SLCO4C1: variants seen among roughly 807,000 people sequenced by gnomAD.
SLCO4C1 encodes the protein solute carrier organic anion transporter family member 4C1, also known as organic anion transporter M1.
SLCO4C1 carries 58 observed loss-of-function variants against 72.1 expected under a neutral mutation model. The observed-to-expected ratio is 0.80, with a 90% CI of 0.65 to 1.00. The LOEUF (loss-of-function observed/expected upper bound fraction) is 1.00. SLCO4C1 is among the 50% of genes least tolerant of loss of function. The pLI is 0.00. For missense variants in SLCO4C1, 898 were observed against 857.9 expected, an observed-to-expected ratio of 1.05 and a Z score of -0.58; for synonymous variants, 297 against 312.5, an observed-to-expected ratio of 0.95 and a Z score of 0.52.
In SLCO4C1 at chr5:102,239,241, C is replaced by T. The variant is rs1184267423; in HGVS notation, c.2014+10G>A. On this transcript the variant is annotated intron_variant, in intron 12 of 12. Transcript: ENST00000310954. ...GTTTACTCTAAAATTATCAAGAAGT[C>T]ACCACTTACTTATGGCTACTAGCAT... The T allele has an allele frequency of 6.5e-7, 1 of 1,541,918 alleles. No individual in the cohort carries two copies. The highest frequency in any genetic ancestry group is 8.7e-7 in the Non-Finnish European group (1 of 1,150,614).
intron 2 of SLCO4C1, among the ~76,000 whole-genome samples, chr5:102,276,700 C>G (rs150419890): frequency 1.3e-5 from 2 of 152,254 alleles, no homozygotes; most frequent in South Asian, 2.1e-4. Context: ...TTCCTTGCAA[C>G]TGGAAAGGAA....
chr5:102,254,719 A>T (rs1173973601), intron 8 of SLCO4C1, among the ~76,000 whole-genome samples: 3 of 152,222 alleles, frequency 2.0e-5, no homozygotes, highest in Non-Finnish European at 4.4e-5. Context: ...AAATTAAGGT[A>T]TATACATTGT....
chr5:102,263,613 G>A (rs1748981650), intron 4 of SLCO4C1, 71 bp downstream of exon 4: 1 of 1,253,260 alleles, frequency 8.0e-7, no homozygotes, highest in Non-Finnish European at 1.1e-6. Flanking sequence ...CTGTGAAAAT[G>A]TTCTGTCTAT....
chr5:102,284,104 A>G (rs1042273516), intron 2 of SLCO4C1, among the ~76,000 whole-genome samples: 2 of 151,990 alleles, frequency 1.3e-5, no homozygotes, highest in Non-Finnish European at 2.9e-5. Context: ...CGGTCGCCAG[A>G]AAAAAATATG....
rs763203482 is a variant in SLCO4C1 at position 102,249,691 on chromosome 5, A to T, written c.1567T>A (p.Phe523Ile). 1.2e-6 allele frequency: 2 copies of T among 1,613,908 alleles called. No homozygotes were observed. Among genetic ancestry groups the T allele is most frequent in the East Asian group, 2.2e-5 (1 of 44,822 alleles). ...YPVCGDGVQY[F>I]SPCFAGCSNP... is the part of the protein sequence containing the mutation. Reference sequence around the variant, plus strand: ...GAACAGCCTGCAAAGCAGGGAGAAAAATATTGGACTCCATCTCCACAGACA... The same window carrying T: ...GAACAGCCTGCAAAGCAGGGAGAAATATATTGGACTCCATCTCCACAGACA... Residue 523 changes from phenylalanine (F) to isoleucine (I), a missense_variant, in exon 9 of 13, where the codon TTT (phenylalanine) becomes ATT (isoleucine). Physicochemically the swap from Phe to Ile is conservative, Grantham distance 21. Transcript: ENST00000310954.
At chr5:102,244,351 G>T (rs2112338816) in intron 10 of SLCO4C1, among the ~76,000 whole-genome samples, 1 of 151,830 alleles carries the variant, frequency 6.6e-6, no homozygotes, top group South Asian at 2.1e-4. Context: ...GGAGACAAAA[G>T]AAAAAAGAAT....
At chr5:102,249,512 T>C in intron 9 of SLCO4C1, 126 bp downstream of exon 9, 9 of 893,030 alleles carry the variant, frequency 1.0e-5, no homozygotes, top group South Asian at 1.5e-5. Flanking sequence ...GGAGACATCA[T>C]GGGCTGCTTA....
chr5:102,278,140 A>C (rs1157919202), intron 2 of SLCO4C1, among the ~76,000 whole-genome samples: 2 of 152,194 alleles, frequency 1.3e-5, no homozygotes, highest in Non-Finnish European at 2.9e-5. Context: ...TAATGTGGGC[A>C]GGCTGAAATT....
intron 2 of SLCO4C1, among the ~76,000 whole-genome samples, chr5:102,272,347 C>A (rs1362718757): frequency 6.6e-6 from 1 of 152,016 alleles, no homozygotes; most frequent in East Asian, 1.9e-4. Flanking sequence ...ATATGTCAAC[C>A]CAGCTATAAC....
intron 4 of SLCO4C1, 146 bp downstream of exon 4, chr5:102,263,538 T>C (rs1748980463): frequency 7.0e-6 from 4 of 569,882 alleles, no homozygotes; most frequent in Admixed American, 3.4e-5. Flanking sequence ...TAAGATATTA[T>C]ATAAGAATTC....
chr5:102,239,418 A>T, intron 11 of SLCO4C1, 30 bp from the exon 12 acceptor site: 2 of 1,468,728 alleles, frequency 1.4e-6, no homozygotes, highest in Non-Finnish European at 1.8e-6. Flanking sequence ...AATATACAAC[A>T]GTAAAGATTA....
At position 102,291,557 on chromosome 5, in the gene SLCO4C1, CT is replaced by C. The variant is rs1219191080; in HGVS notation, c.404del (p.Lys135SerfsTer5). 6.2e-7 allele frequency: 1 copy of C among 1,613,778 alleles called. No homozygotes were observed. Among genetic ancestry groups the C allele is most frequent in the African/African-American group, 1.3e-5 (1 of 74,912 alleles). ...LVNISISTVE[K>X]RYEMKSSLTG... Reference sequence around the variant, plus strand: ...TCAGGGAACTCTTCATTTCATAACGCTTCTCAACAGTGGAAATGCTAATATT... The same window carrying C: ...TCAGGGAACTCTTCATTTCATAACGCTCTCAACAGTGGAAATGCTAATATT... On this transcript the variant is annotated frameshift_variant, in exon 2 of 13. Coordinates refer to ENST00000310954, the MANE Select transcript of SLCO4C1 (RefSeq NM_180991.5). LOFTEE classifies it high-confidence loss of function.
At chr5:102,240,674 C>A in intron 11 of SLCO4C1, 44 bp downstream of exon 11, 1 of 1,526,954 alleles carries the variant, frequency 6.5e-7, no homozygotes, top group African/African-American at 1.4e-5. Flanking sequence ...ACTAATGAAC[C>A]AAAATAGCCA....
intron 10 of SLCO4C1, among the ~76,000 whole-genome samples, chr5:102,241,073 A>T (rs1748531301): frequency 6.6e-6 from 1 of 152,118 alleles, no homozygotes; most frequent in Non-Finnish European, 1.5e-5. Context: ...TATTTTCCAT[A>T]AAAGTCATCA....
intron 6 of SLCO4C1, among the ~76,000 whole-genome samples, chr5:102,258,802 G>A (rs1748886536): frequency 6.6e-6 from 1 of 151,810 alleles, no homozygotes; most frequent in Admixed American, 6.6e-5. Flanking sequence ...CAAGATGGGA[G>A]CTTTAGAAGT....
chr5:102,239,162 A>C, intron 12 of SLCO4C1, 89 bp downstream of exon 12: 3 of 1,233,474 alleles, frequency 2.4e-6, no homozygotes, highest in Non-Finnish European at 3.3e-6. Flanking sequence ...ACATTTCAAA[A>C]TACCTGTGAC....
At chr5:102,288,176 G>A (rs1478648814) in intron 2 of SLCO4C1, among the ~76,000 whole-genome samples, 1 of 152,164 alleles carries the variant, frequency 6.6e-6, no homozygotes, top group Non-Finnish European at 1.5e-5. Context: ...CCAAGTGAAT[G>A]ACTTGCACAT....
intron 10 of SLCO4C1, among the ~76,000 whole-genome samples, chr5:102,246,124 AG>A (rs1205448264): frequency 6.6e-6 from 1 of 152,014 alleles, no homozygotes; most frequent in Non-Finnish European, 1.5e-5. Context: ...TTAAAGAATT[AG>A]AAAAACAAGA....
chr5:102,292,873 A>G (rs906750066), intron 1 of SLCO4C1, among the ~76,000 whole-genome samples: 1 of 151,962 alleles, frequency 6.6e-6, no homozygotes, highest in Non-Finnish European at 1.5e-5. Flanking sequence ...CAGTCCAGAT[A>G]TAGATTAAAC....
Sources: gnomAD v4.1 joint callset for allele counts (sites outside exome capture counted in the v4.1 genomes callset) on GRCh38, gnomAD v4.1.1 for gene constraint, MANE v1.5 for transcripts, NCBI Gene and HGNC (gene_info 2026-07-23, HGNC 2026-07-21) for gene names.